The following MKLN1 variants were observed in gnomAD, a reference collection of about 807,000 sequenced individuals.
The protein encoded by MKLN1 is muskelin 1.
In MKLN1, 18 loss-of-function variants were observed where a neutral mutation model predicts 99.0. The observed-to-expected ratio is 0.18, with a 90% CI of 0.13 to 0.27. MKLN1 has a LOEUF of 0.27. Ranked by LOEUF, MKLN1 falls within the 10% of genes least tolerant of loss-of-function variation. MKLN1 has a pLI of 1.00. For missense variants in MKLN1, 621 were observed against 875.9 expected (o/e 0.71, Z 3.67); for synonymous variants, 288 against 293.2 (o/e 0.98, Z 0.18).
At chr7:131,120,125 CGT>C (rs1795339910) in intron 1 of MKLN1, among the ~76,000 whole-genome samples, 1 of 135,468 alleles carries the variant, frequency 7.4e-6, no homozygotes, top group African/African-American at 2.8e-5. Context: ...GAGCTGAGAT[CGT>C]GCCACTGCAC....
chr7:131,160,492 A>ATTAATTATT (rs1343341791), intron 2 of MKLN1, among the ~76,000 whole-genome samples: 4 of 138,982 alleles, frequency 2.9e-5, no homozygotes, highest in Non-Finnish European at 6.2e-5. Flanking sequence ...TATTATTATT[A>ATTAATTATT]ATTATTATTA....
chr7:131,122,629 A>C (rs1252450195), intron 1 of MKLN1, among the ~76,000 whole-genome samples: 1 of 152,182 alleles, frequency 6.6e-6, no homozygotes, highest in East Asian at 1.9e-4. Flanking sequence ...GCCCAGCCCC[A>C]GTTTCCCATG....
In MKLN1 at chr7:131,313,394, C is replaced by G. The variant is rs116929563; in HGVS notation, c.-178-62030C>G. The stretch of plus-strand genomic sequence containing the variant: ...TAGCCACATTGAAACTGCTGGTGAA[C>G]TGAGGTAAGAAAAACAAAACAAAAC... On this transcript the variant is annotated intron_variant, in intron 3 of 7. Coordinates refer to the MKLN1 transcript ENST00000416992. 7.2e-3 allele frequency among the ~76,000 whole-genome samples: 1,099 copies of G among 152,096 alleles called. 9 individuals are homozygous for G. Among genetic ancestry groups the G allele is most frequent in the Non-Finnish European group, 0.013 (868 of 67,994 alleles).
At chr7:131,426,837 C>T (rs1174691891) in intron 8 of MKLN1, among the ~76,000 whole-genome samples, 1 of 151,878 alleles carries the variant, frequency 6.6e-6, no homozygotes, top group Non-Finnish European at 1.5e-5. Flanking sequence ...TCACTGCAGC[C>T]TCCACCTCCT....
intron 3 of MKLN1, among the ~76,000 whole-genome samples, chr7:131,248,205 C>T (rs185430426): frequency 6.6e-4 from 100 of 151,688 alleles, no homozygotes; most frequent in Middle Eastern, 3.4e-3. Flanking sequence ...GGATTACAGA[C>T]GTGAGAAGAA....
chr7:131,162,136 C>T (rs955911023), intron 2 of MKLN1, among the ~76,000 whole-genome samples: 26 of 151,444 alleles, frequency 1.7e-4, no homozygotes, highest in Non-Finnish European at 1.3e-4. Flanking sequence ...TGAGTTCAAG[C>T]GATCCTCCTG....
intron 3 of MKLN1, among the ~76,000 whole-genome samples, chr7:131,226,320 A>C (rs914306082): frequency 4.8e-4 from 73 of 152,322 alleles, no homozygotes; most frequent in African/African-American, 1.7e-3. Flanking sequence ...GTCTTTCAGA[A>C]CTGCTGACTT....
intron 2 of MKLN1, among the ~76,000 whole-genome samples, chr7:131,376,095 AATATATATATATAT>A (rs60323728): frequency 0.019 from 2,015 of 108,062 alleles, 57 homozygotes; most frequent in African/African-American, 0.044. Context: ...AATTCATGGA[AATATATATATATAT>A]ATATATATAT....
intron 2 of MKLN1, among the ~76,000 whole-genome samples, chr7:131,379,818 CTGTAAAT>C (rs1793786452): frequency 6.6e-6 from 1 of 152,208 alleles, no homozygotes; most frequent in Non-Finnish European, 1.5e-5. Context: ...CTCATGTACC[CTGTAAAT>C]ATATACACCT....
intron 3 of MKLN1, among the ~76,000 whole-genome samples, chr7:131,303,139 C>A (rs1474352537): frequency 2.0e-5 from 3 of 152,200 alleles, no homozygotes; most frequent in Admixed American, 1.3e-4. Flanking sequence ...TTATTGCCAG[C>A]TCCTGAACTC....
Position 131,466,921 on chromosome 7 carries a change from A to ACG in MKLN1, c.1928+507_1928+508insGC, listed in dbSNP as rs879750235. Among the ~76,000 whole-genome samples, 66 of 150,476 alleles carry ACG rather than the reference A, an allele frequency of 4.4e-4. No individual in the cohort carries two copies. The East Asian group carries it at 6.9e-3, about 16-fold the overall frequency. On this transcript the variant is annotated intron_variant, in intron 15 of 17. Transcript: ENST00000352689. ...TATACATATACACACACACACACAC[A>ACG]CACGCGCGCGCGCGCACACACGCAC...
At chr7:131,434,239 G>C (rs1174097030) in intron 9 of MKLN1, among the ~76,000 whole-genome samples, 1 of 152,090 alleles carries the variant, frequency 6.6e-6, no homozygotes, top group Non-Finnish European at 1.5e-5. Context: ...ACATGGTTTA[G>C]TCTCCATTTA....
chr7:131,466,476 A>G (rs1411262971), intron 15 of MKLN1, 61 bp downstream of exon 15: 7 of 1,242,206 alleles, frequency 5.6e-6, no homozygotes, highest in South Asian at 3.4e-5. Context: ...TCTCTTGGCA[A>G]ATTTAATAAT....
chr7:131,389,930 A>G (rs1277490246), intron 4 of MKLN1, among the ~76,000 whole-genome samples: 1 of 151,994 alleles, frequency 6.6e-6, no homozygotes, highest in Non-Finnish European at 1.5e-5. Context: ...ATTTATAACC[A>G]TGTTGCATAC....
chr7:131,255,728 G>C (rs772700167), intron 3 of MKLN1, among the ~76,000 whole-genome samples: 1 of 150,550 alleles, frequency 6.6e-6, no homozygotes, highest in Non-Finnish European at 1.5e-5. Flanking sequence ...TTACAGGTGT[G>C]TGCCACCACA....
chr7:131,388,896 T>G lies in MKLN1; in HGVS notation c.324T>G (p.Asn108Lys). ...TTTTTTCCCACAGTGGCTTAAAGAA[T>G]GATTATAACAAAGAAACATTCACCT... ...MTELLSSGLK[N>K]DYNKETFTLK... is the part of the protein sequence containing the mutation. Residue 108 changes from asparagine to lysine, a missense_variant, in exon 4 of 18, where the codon AAT becomes AAG. Physicochemically the swap from Asn to Lys is moderately conservative, Grantham distance 94. This residue lies in a region of MKLN1 where 361 missense variants were observed against 540.8 expected (regional missense o/e 0.67). Coordinates refer to ENST00000352689, the MANE Select transcript of MKLN1 (RefSeq NM_013255.5). 6.2e-7 allele frequency: 1 copy of G among 1,609,182 alleles called. No homozygotes were observed. The highest frequency in any genetic ancestry group is 8.5e-7 in the Non-Finnish European group (1 of 1,176,868).
At chr7:131,417,632 G>A (rs903769507) in intron 8 of MKLN1, among the ~76,000 whole-genome samples, 1 of 152,168 alleles carries the variant, frequency 6.6e-6, no homozygotes, top group African/African-American at 2.4e-5. Flanking sequence ...ACATTTGGAG[G>A]TGGAATTCCT....
At chr7:131,204,761 C>T (rs1044185287) in intron 3 of MKLN1, among the ~76,000 whole-genome samples, 3 of 152,092 alleles carry the variant, frequency 2.0e-5, no homozygotes, top group East Asian at 1.9e-4. Context: ...GTCAGGAGAT[C>T]GAGACCATCC....
chr7:131,399,189 A>T, intron 5 of MKLN1, 52 bp from the exon 6 acceptor site: 1 of 1,455,012 alleles, frequency 6.9e-7, no homozygotes, highest in Non-Finnish European at 9.6e-7. Flanking sequence ...TGTTTCCTAC[A>T]GTATCATCTA....
Sources: gnomAD v4.1 joint callset for allele counts (sites outside exome capture counted in the v4.1 genomes callset) on GRCh38, gnomAD v4.1.1 for gene constraint, gnomAD v4.1.1 regional missense constraint, MANE v1.5 for transcripts, NCBI Gene and HGNC (gene_info 2026-07-23, HGNC 2026-07-21) for gene names.